ENOX1: variants seen among roughly 807,000 people sequenced by gnomAD.
The protein encoded by ENOX1 is ecto-NOX disulfide-thiol exchanger 1, also known as candidate growth-related and time keeping constitutive hydroquinone (NADH) oxidase.
A neutral mutation model predicts 82.5 loss-of-function variants in ENOX1; 42 were observed. That is an observed-to-expected ratio of 0.51 (90% confidence interval 0.40 to 0.66). The LOEUF (loss-of-function observed/expected upper bound fraction) is 0.66, where lower values mean the gene tolerates loss of function less well. ENOX1 is among the 30% of genes least tolerant of loss of function. The probability of loss-of-function intolerance (pLI) is 0.00; values close to 1 mark genes in which losing one functional copy is unlikely to be tolerated. For missense variants in ENOX1, 608 were observed against 811.6 expected (o/e 0.75, Z 3.05); for synonymous variants, 271 against 282.2 (o/e 0.96, Z 0.40).
chr13:43,283,727 A>T (rs1205361175), intron 12 of ENOX1, among the ~76,000 whole-genome samples: 1 of 151,786 alleles, frequency 6.6e-6, no homozygotes, highest in African/African-American at 2.4e-5. Flanking sequence ...TTAAAATTAC[A>T]AGTGTTAGCA....
intron 3 of ENOX1, among the ~76,000 whole-genome samples, chr13:43,464,311 A>C (rs912941798): frequency 2.6e-5 from 4 of 152,202 alleles, no homozygotes; most frequent in Non-Finnish European, 5.9e-5. Context: ...ACAGATGATG[A>C]AGATGAAAGC....
At chr13:43,722,589 G>A (rs2088653137) in intron 1 of ENOX1, among the ~76,000 whole-genome samples, 1 of 152,140 alleles carries the variant, frequency 6.6e-6, no homozygotes, top group South Asian at 2.1e-4. Flanking sequence ...CATAATGATG[G>A]TGGTAGATAT....
At chr13:43,699,394 G>A (rs531569967) in intron 1 of ENOX1, among the ~76,000 whole-genome samples, 2 of 152,282 alleles carry the variant, frequency 1.3e-5, no homozygotes, top group East Asian at 1.9e-4. Context: ...CAGCACAATC[G>A]GGATTGCTAG....
At chr13:43,432,511 C>T (rs777784375) in intron 3 of ENOX1, among the ~76,000 whole-genome samples, 23 of 152,004 alleles carry the variant, frequency 1.5e-4, no homozygotes, top group Non-Finnish European at 2.6e-4. Flanking sequence ...GGCGTGGTGG[C>T]GCATGTTTGT....
chr13:43,495,462 G>A (rs944279481), intron 2 of ENOX1, among the ~76,000 whole-genome samples: 2 of 151,900 alleles, frequency 1.3e-5, no homozygotes, highest in Admixed American at 1.3e-4. Flanking sequence ...TTTGTTCAAT[G>A]TAATGATTAT....
At chr13:43,367,788 G>A (rs1566051402) in intron 5 of ENOX1, among the ~76,000 whole-genome samples, 1 of 152,052 alleles carries the variant, frequency 6.6e-6, no homozygotes, top group Non-Finnish European at 1.5e-5. Context: ...AATCCTGGAG[G>A]GGGTGACAGC....
At chr13:43,409,035 T>TA (rs2053963625) in intron 5 of ENOX1, among the ~76,000 whole-genome samples, 1 of 63,896 alleles carries the variant, frequency 1.6e-5, no homozygotes, top group African/African-American at 7.1e-5. Context: ...TGCCCAAATA[T>TA]AAACCAAAAA....
At position 43,419,919 on chromosome 13, in the gene ENOX1, C is replaced by G. The variant is rs564040835; in HGVS notation, c.-74-6931G>C. ...CTGGGAGGCAAAGGTTGCAGTGAGC[C>G]AAGACCAAGCCACTGCACTACAGCC... On this transcript the variant is annotated intron_variant, in intron 3 of 16. Transcript: ENST00000690772. Among the ~76,000 whole-genome samples the G allele has an allele frequency of 3.3e-5, 5 of 152,052 alleles. No individual in the cohort carries two copies. In the South Asian group the frequency reaches 8.3e-4, roughly 25 times the overall value.
chr13:43,358,359 C>T (rs2050279227), intron 7 of ENOX1, among the ~76,000 whole-genome samples: 1 of 140,642 alleles, frequency 7.1e-6, no homozygotes, highest in Non-Finnish European at 1.5e-5. Flanking sequence ...AATGTGTATC[C>T]AAAACACAGC....
At chr13:43,474,039 T>C (rs549441245) in intron 3 of ENOX1, among the ~76,000 whole-genome samples, 73 of 152,328 alleles carry the variant, frequency 4.8e-4, no homozygotes, top group African/African-American at 1.7e-3. Flanking sequence ...AGGACATCTA[T>C]ATTCAAATTA....
At chr13:43,345,419 T>C (rs1007516568) in intron 8 of ENOX1, among the ~76,000 whole-genome samples, 5 of 152,230 alleles carry the variant, frequency 3.3e-5, no homozygotes, top group Admixed American at 6.5e-5. Flanking sequence ...TTGCTTTAGA[T>C]GGCTATGGAG....
intron 12 of ENOX1, among the ~76,000 whole-genome samples, chr13:43,287,348 A>G (rs1359404312): frequency 6.6e-6 from 1 of 152,012 alleles, no homozygotes; most frequent in African/African-American, 2.4e-5. Context: ...ATCTTTTCAT[A>G]TTTTCACCTG....
chr13:43,338,484 T>C (rs1384642200), intron 9 of ENOX1, among the ~76,000 whole-genome samples: 1 of 152,030 alleles, frequency 6.6e-6, no homozygotes, highest in African/African-American at 2.4e-5. Flanking sequence ...AATTTTTTTT[T>C]CTCTTTCTTC....
intron 1 of ENOX1, among the ~76,000 whole-genome samples, chr13:43,669,218 G>A (rs183902299): frequency 1.3e-5 from 2 of 152,300 alleles, no homozygotes; most frequent in South Asian, 2.1e-4. Context: ...ACAAAAGTCA[G>A]GAAAATGTCT....
intron 14 of ENOX1, among the ~76,000 whole-genome samples, chr13:43,261,119 GGGT>G (rs1478812994): frequency 1.3e-5 from 2 of 152,188 alleles, no homozygotes; most frequent in African/African-American, 4.8e-5. Flanking sequence ...GGCTTTTTAA[GGGT>G]GTGTCTGTTT....
chr13:43,257,568 T>C (rs2043821543), intron 14 of ENOX1, among the ~76,000 whole-genome samples: 1 of 152,178 alleles, frequency 6.6e-6, no homozygotes, highest in African/African-American at 2.4e-5. Flanking sequence ...ACAAAGATAA[T>C]GGAAATACAA....
In ENOX1 at chr13:43,250,576, G is replaced by A. The variant is rs180883508; in HGVS notation, c.1612-13838C>T. ...TTACTAATGATGTATTTTCTTTTGG[G>A]GGCTGAATGGCAGCAAAATTCAACA... On this transcript the variant is annotated intron_variant, in intron 14 of 16. Transcript: ENST00000690772. 2.0e-5 allele frequency among the ~76,000 whole-genome samples: 3 copies of A among 152,176 alleles called. No homozygotes were observed. The East Asian group carries it at 5.8e-4, about 29-fold the overall frequency.
chr13:43,254,027 G>A (rs146841628), intron 14 of ENOX1, among the ~76,000 whole-genome samples: 161 of 152,332 alleles, frequency 1.1e-3, no homozygotes, highest in African/African-American at 3.7e-3. Flanking sequence ...ATGGTTTGGA[G>A]CTTACCTGGA....
chr13:43,323,041 C>G (rs774704599), intron 10 of ENOX1, among the ~76,000 whole-genome samples: 10 of 152,342 alleles, frequency 6.6e-5, no homozygotes, highest in South Asian at 2.1e-4. Context: ...TACTTAGCAT[C>G]ATGCCAGACA....
Sources: gnomAD v4.1 joint callset for allele counts (sites outside exome capture counted in the v4.1 genomes callset) on GRCh38, gnomAD v4.1.1 for gene constraint, MANE v1.5 for transcripts, NCBI Gene and HGNC (gene_info 2026-07-23, HGNC 2026-07-21) for gene names.